TCF20: variants seen among roughly 807,000 people sequenced by gnomAD.
TCF20 encodes the protein transcription factor 20.
In TCF20, 3 loss-of-function variants were observed where a neutral mutation model predicts 148.6. That is an observed-to-expected ratio of 0.02 (90% CI 0.01 to 0.05). TCF20 has a LOEUF of 0.05. Among genes scored for constraint, TCF20 ranks in the 10% least tolerant of loss-of-function variants. The pLI, the probability that TCF20 is intolerant of heterozygous loss-of-function variation, is 1.00. For missense variants in TCF20, 2,350 were observed against 2,429.3 expected (o/e 0.97, Z 0.69); for synonymous variants, 1,049 against 909.5 (o/e 1.15, Z -2.76).
At chr22:42,188,162 T>C (rs1445163448) in intron 2 of TCF20, among the ~76,000 whole-genome samples, 2 of 151,448 alleles carry the variant, frequency 1.3e-5, no homozygotes, top group African/African-American at 4.9e-5. Flanking sequence ...GGTGTGGTGG[T>C]GCATGGCTGT....
chr22:42,324,229 G>A (rs1927827483), intron 1 of TCF20, among the ~76,000 whole-genome samples: 1 of 151,230 alleles, frequency 6.6e-6, no homozygotes. Context: ...GATGATGGTG[G>A]TGATGGTGGT....
At chr22:42,198,701 G>A (rs901132146) in intron 2 of TCF20, among the ~76,000 whole-genome samples, 1 of 144,926 alleles carries the variant, frequency 6.9e-6, no homozygotes, top group African/African-American at 2.6e-5. Context: ...TCGCTGTGTC[G>A]CCCAGGCTGG....
chr22:42,251,980 G>T (rs535912100), intron 1 of TCF20, among the ~76,000 whole-genome samples: 39 of 151,720 alleles, frequency 2.6e-4, no homozygotes, highest in African/African-American at 8.9e-4. Context: ...GAGGTGGGCA[G>T]ATCACCTGAG....
chr22:42,294,170 C>A (rs1471069838), intron 1 of TCF20, among the ~76,000 whole-genome samples: 2 of 152,062 alleles, frequency 1.3e-5, no homozygotes, highest in African/African-American at 4.8e-5. Flanking sequence ...ACACACACAC[C>A]CGCCAGCCCG....
intron 2 of TCF20, among the ~76,000 whole-genome samples, chr22:42,184,140 G>A (rs898159527): frequency 1.3e-5 from 2 of 151,988 alleles, no homozygotes; most frequent in Non-Finnish European, 2.9e-5. Context: ...TAGGCAAATT[G>A]TGACATCAGG....
chr22:42,160,941 T>C lies in TCF20; in HGVS notation c.*462A>G, dbSNP rs368920694. On this transcript the variant is annotated 3_prime_UTR_variant, in exon 6 of 6. Transcript: ENST00000677622. Reference sequence around the variant, plus strand: ...TTCAGTTCAATCTCACATTTAAATTTCACTTGTCATCGGAACAAATTTGGA... The same window carrying C: ...TTCAGTTCAATCTCACATTTAAATTCCACTTGTCATCGGAACAAATTTGGA... 2 of 164,258 alleles carry C rather than the reference T, an allele frequency of 1.2e-5. No individual in the cohort carries two copies. Among genetic ancestry groups the C allele is most frequent in the African/African-American group, 4.8e-5 (2 of 41,730 alleles). The allele number at this position is 164,258 out of a possible 1,614,324, so 10.2% of individuals were successfully genotyped here.
At chr22:42,197,783 A>G (rs906028010) in intron 2 of TCF20, among the ~76,000 whole-genome samples, 12 of 152,254 alleles carry the variant, frequency 7.9e-5, no homozygotes. Flanking sequence ...TTAACAATTA[A>G]TGGACATTAA....
chr22:42,262,364 A>AG (rs1409410804), intron 1 of TCF20, among the ~76,000 whole-genome samples: 1 of 152,124 alleles, frequency 6.6e-6, no homozygotes, highest in Admixed American at 6.5e-5. Context: ...ATAGATTTAG[A>AG]GGTAGAGGGT....
At chr22:42,193,155 GAAAAGGA>G (rs139395927) in intron 2 of TCF20, among the ~76,000 whole-genome samples, 4,168 of 151,238 alleles carry the variant, frequency 0.028, 202 homozygotes, top group African/African-American at 0.095. Flanking sequence ...CATTTCAACA[GAAAAGGA>G]AAAAGGAAAA....
At chr22:42,314,245 C>T (rs1009572626) in intron 1 of TCF20, among the ~76,000 whole-genome samples, 2 of 152,342 alleles carry the variant, frequency 1.3e-5, no homozygotes, top group Non-Finnish European at 1.5e-5. Flanking sequence ...GGCCAGAATC[C>T]GTCTCTTCCG....
At chr22:42,334,248 C>T (rs956791598) in intron 1 of TCF20, among the ~76,000 whole-genome samples, 11 of 152,200 alleles carry the variant, frequency 7.2e-5, no homozygotes, top group Admixed American at 5.9e-4. Context: ...TCTCATGAGT[C>T]TGCCAACAAC....
chr22:42,244,932 A>T (rs1354112033), intron 1 of TCF20, among the ~76,000 whole-genome samples: 1 of 151,858 alleles, frequency 6.6e-6, no homozygotes, highest in East Asian at 1.9e-4. Context: ...AAAATACCAA[A>T]ATCAGCTGGG....
At chr22:42,331,104 C>A (rs1927966117) in intron 1 of TCF20, among the ~76,000 whole-genome samples, 1 of 152,252 alleles carries the variant, frequency 6.6e-6, no homozygotes, top group Non-Finnish European at 1.5e-5. Context: ...CAGCTACGAA[C>A]CAGCTGTTTG....
At chr22:42,326,382 A>G (rs1191812916) in intron 1 of TCF20, among the ~76,000 whole-genome samples, 1 of 151,872 alleles carries the variant, frequency 6.6e-6, no homozygotes, top group East Asian at 1.9e-4. Flanking sequence ...CCCTGTGACA[A>G]TGCCCCTTCC....
At chr22:42,325,098 C>T (rs985818841) in intron 1 of TCF20, among the ~76,000 whole-genome samples, 1 of 152,270 alleles carries the variant, frequency 6.6e-6, no homozygotes, top group East Asian at 1.9e-4. Context: ...TCTCTGCCGG[C>T]AGCCCCAACT....
chr22:42,166,196 TCTCC>T lies in TCF20; in HGVS notation c.*44+2409_*44+2412del, dbSNP rs563331663. On this transcript the variant is annotated intron_variant, in intron 5 of 5. Coordinates refer to ENST00000677622, the MANE Select transcript of TCF20 (RefSeq NM_001378418.1). ...AGGACTGGATGCAGTGAGTCCATCCTCTCCCTCCAAGAGCTGAATGGAATGGTTC... is the reference window on the plus strand; with the variant it reads ...AGGACTGGATGCAGTGAGTCCATCCTCTCCAAGAGCTGAATGGAATGGTTC... Among the ~76,000 whole-genome samples the T allele has an allele frequency of 1.5e-3, 231 of 152,252 alleles. 2 individuals carry two copies. In the Middle Eastern group the frequency reaches 0.02, roughly 13 times the overall value.
At chr22:42,258,919 T>A (rs1340867481) in intron 1 of TCF20, among the ~76,000 whole-genome samples, 1 of 152,192 alleles carries the variant, frequency 6.6e-6, no homozygotes, top group Admixed American at 6.5e-5. Flanking sequence ...TGCATCTGTA[T>A]TTTACTTTTC....
chr22:42,274,647 G>C (rs1926732209), upstream of TCF20: 1 of 152,244 alleles, frequency 6.6e-6, no homozygotes, highest in African/African-American at 2.4e-5. Context: ...GCATGGATTT[G>C]TTTCACAGGG....
At chr22:42,333,911 G>T (rs1031120604) in intron 1 of TCF20, among the ~76,000 whole-genome samples, 1 of 152,246 alleles carries the variant, frequency 6.6e-6, no homozygotes, top group Non-Finnish European at 1.5e-5. Flanking sequence ...AGGCACAAGC[G>T]CAGTGGGAAC....
Sources: allele counts gnomAD v4.1 joint callset (sites outside exome capture counted in the v4.1 genomes callset), GRCh38; gene constraint gnomAD v4.1.1; transcripts MANE v1.5; gene names NCBI Gene and HGNC (gene_info 2026-07-23, HGNC 2026-07-21).